Variants in GPR137B observed in about 807,000 individuals in gnomAD.
GPR137B encodes G protein-coupled receptor 137B, also known as integral membrane protein GPR137B.
GPR137B carries 42 observed loss-of-function variants against 42.5 expected under a neutral mutation model. That is an observed-to-expected ratio of 0.99 (90% CI 0.77 to 1.28). The LOEUF (loss-of-function observed/expected upper bound fraction) is 1.28, where lower values mean the gene tolerates loss of function less well. GPR137B is among the 50% of genes most tolerant of loss of function. The pLI, the probability that GPR137B is intolerant of heterozygous loss-of-function variation, is 0.00. For synonymous variants in GPR137B, 218 were observed against 209.7 expected (o/e 1.04, Z -0.34); for missense variants, 487 against 493.9 (o/e 0.99, Z 0.13).
At chr1:236,144,357 C>A (rs1287609291) in intron 1 of GPR137B, among the ~76,000 whole-genome samples, 1 of 152,138 alleles carries the variant, frequency 6.6e-6, no homozygotes, top group Non-Finnish European at 1.5e-5. Flanking sequence ...TTGCAGTGAG[C>A]AGAGATTGAA....
Position 236,205,133 on chromosome 1 carries a change from C to G in GPR137B, c.974C>G (p.Pro325Arg). ...GATTACCTGTCTTTCTAGACCAACC[C>G]TGGAATGGTCCCCAGCCATGGATTC... is the stretch of plus-strand genomic sequence containing the variant. ...VRNPTKDLTN[P>R]GMVPSHGFSP... The change falls in exon 6 of 7, where the codon CCT becomes CGT. Residue 325 changes from proline to arginine, a missense_variant. Pro to Arg is a moderately radical substitution (Grantham distance 103). Transcript: ENST00000366592. 1 of 1,612,892 alleles carries G rather than the reference C, an allele frequency of 6.2e-7. No individual in the cohort carries two copies. Among genetic ancestry groups the G allele is most frequent in the South Asian group, 1.1e-5 (1 of 91,008 alleles).
At chr1:236,168,821 C>G (rs1450223291) in intron 2 of GPR137B, 66 bp downstream of exon 2, 4 of 1,150,116 alleles carry the variant, frequency 3.5e-6, no homozygotes, top group Non-Finnish European at 5.3e-6. Context: ...AATCTCATCT[C>G]TCCATTGGGG....
chr1:236,149,016 T>A (rs1009553777), intron 1 of GPR137B, among the ~76,000 whole-genome samples: 6 of 152,112 alleles, frequency 3.9e-5, no homozygotes, highest in African/African-American at 1.4e-4. Flanking sequence ...GTGTCCTGAA[T>A]CCCTTTGCTC....
intron 1 of GPR137B, among the ~76,000 whole-genome samples, chr1:236,163,073 G>A (rs1211213739): frequency 6.6e-6 from 1 of 152,202 alleles, no homozygotes; most frequent in Non-Finnish European, 1.5e-5. Flanking sequence ...CCACAGGGGT[G>A]GAGCTGCCCA....
intron 5 of GPR137B, among the ~76,000 whole-genome samples, chr1:236,190,028 T>C (rs1663141660): frequency 6.6e-6 from 1 of 152,196 alleles, no homozygotes; most frequent in Non-Finnish European, 1.5e-5. Flanking sequence ...TTAGGATAGT[T>C]AGCTGTTCTT....
In GPR137B at chr1:236,181,945, T is replaced by G. The variant is rs1010617361; in HGVS notation, c.838-1833T>G. ...GTCTCTCTCTGTCACCAGGCTGGAG[T>G]GCAGCCGCACAATCTTGGCTCACTG... On this transcript the variant is annotated intron_variant, in intron 4 of 6. Transcript: ENST00000366592. 5.2e-4 allele frequency among the ~76,000 whole-genome samples: 71 copies of G among 137,130 alleles called. 2 individuals are homozygous for G. The East Asian group carries it at 0.016, about 30-fold the overall frequency. 90.0% of individuals were successfully genotyped at this position (137,130 alleles called of 152,430 possible).
chr1:236,167,765 C>G (rs1662403418), intron 1 of GPR137B, among the ~76,000 whole-genome samples: 2 of 152,140 alleles, frequency 1.3e-5, no homozygotes, highest in Admixed American at 1.3e-4. Flanking sequence ...TCCCCATGAG[C>G]CTGAGCCCCT....
chr1:236,169,610 A>G (rs74150313), intron 2 of GPR137B, among the ~76,000 whole-genome samples: 7,015 of 152,246 alleles, frequency 0.046, 492 homozygotes, highest in African/African-American at 0.15. Context: ...GGCTTGTGCC[A>G]GAGTGTAATC....
intron 1 of GPR137B, among the ~76,000 whole-genome samples, chr1:236,153,254 T>G (rs1373203483): frequency 1.3e-5 from 2 of 152,160 alleles, no homozygotes; most frequent in Non-Finnish European, 2.9e-5. Flanking sequence ...AAGGAAACTT[T>G]ATGCCCATTA....
At chr1:236,202,778 T>C (rs1663530545) in intron 5 of GPR137B, among the ~76,000 whole-genome samples, 1 of 152,252 alleles carries the variant, frequency 6.6e-6, no homozygotes, top group Admixed American at 6.5e-5. Context: ...TCAAGAAATT[T>C]TTGCCCAGAC....
intron 1 of GPR137B, among the ~76,000 whole-genome samples, chr1:236,165,386 C>A (rs12081045): frequency 0.1 from 15,358 of 152,142 alleles, 2,625 homozygotes; most frequent in African/African-American, 0.35. Context: ...AGGGAGGTGG[C>A]CCTAGTGATG....
intron 5 of GPR137B, among the ~76,000 whole-genome samples, chr1:236,198,309 A>C (rs1663397821): frequency 6.6e-6 from 1 of 152,018 alleles, no homozygotes; most frequent in Non-Finnish European, 1.5e-5. Context: ...GGTTCAAGTA[A>C]TTCTTGTGCC....
chr1:236,188,533 T>G (rs12035655), intron 5 of GPR137B, among the ~76,000 whole-genome samples: 2,663 of 152,212 alleles, frequency 0.017, 27 homozygotes, highest in South Asian at 0.034. Context: ...CATGAACGGG[T>G]GTTGAATTTT....
intron 1 of GPR137B, among the ~76,000 whole-genome samples, chr1:236,166,493 C>CATAT (rs1030887255): frequency 4.4e-5 from 6 of 136,948 alleles, no homozygotes; most frequent in African/African-American, 1.5e-4. Context: ...TTTATATATA[C>CATAT]ATATATATAT....
intron 2 of GPR137B, among the ~76,000 whole-genome samples, chr1:236,175,100 G>A (rs1372570952): frequency 6.6e-6 from 1 of 152,176 alleles, no homozygotes; most frequent in Admixed American, 6.5e-5. Context: ...GCCGAGACGG[G>A]AGGATCACTT....
chr1:236,190,446 A>T (rs10924673), intron 5 of GPR137B, among the ~76,000 whole-genome samples: 2 of 151,842 alleles, frequency 1.3e-5, no homozygotes, highest in African/African-American at 4.8e-5. Flanking sequence ...TTACAATTTG[A>T]TATGTTTTTG....
intron 5 of GPR137B, among the ~76,000 whole-genome samples, chr1:236,199,407 A>G (rs758491993): frequency 6.6e-6 from 1 of 152,180 alleles, no homozygotes; most frequent in African/African-American, 2.4e-5. Context: ...GTTTCATAGA[A>G]TGATTTAGGG....
intron 2 of GPR137B, among the ~76,000 whole-genome samples, chr1:236,170,443 C>G (rs1235055438): frequency 6.6e-6 from 1 of 152,056 alleles, no homozygotes. Flanking sequence ...AGATACAAGT[C>G]CCAAGACTCA....
At chr1:236,192,516 C>T (rs570500255) in intron 5 of GPR137B, among the ~76,000 whole-genome samples, 8 of 152,108 alleles carry the variant, frequency 5.3e-5, no homozygotes, top group Admixed American at 3.9e-4. Context: ...TGAAGACTGT[C>T]GGAAAAGTGC....
Sources: gnomAD v4.1 joint callset for allele counts (sites outside exome capture counted in the v4.1 genomes callset) on GRCh38, gnomAD v4.1.1 for gene constraint, MANE v1.5 for transcripts, NCBI Gene and HGNC (gene_info 2026-07-23, HGNC 2026-07-21) for gene names.